The following RANBP2 variants were observed in gnomAD, a reference collection of about 807,000 sequenced individuals.
The protein encoded by RANBP2 is RAN binding protein 2.
In RANBP2, 57 loss-of-function variants were observed where a neutral mutation model predicts 303.6. The observed-to-expected ratio is 0.19, with a 90% CI of 0.15 to 0.23. RANBP2 has a LOEUF of 0.23. Among genes scored for constraint, RANBP2 ranks in the 10% least tolerant of loss-of-function variants. RANBP2 has a pLI of 1.00. For missense variants in RANBP2, 3,138 were observed against 3,780.8 expected (o/e 0.83, Z 4.46); for synonymous variants, 1,167 against 1,301.5 (o/e 0.90, Z 2.23).
At chr2:109,097,516 G>A in the RANBP2 span, among the ~76,000 whole-genome samples, 18 of 151,886 alleles carry the variant, frequency 1.2e-4, no homozygotes, top group Admixed American at 2.6e-4. Context: ...CTTGCCTTTC[G>A]TATTTAGAAT....
chr2:109,564,502 G>T, the RANBP2 span: 2 of 1,552,352 alleles, frequency 1.3e-6, no homozygotes, highest in South Asian at 1.2e-5. Flanking sequence ...ATTTCCCGCA[G>T]CTTTACAAAG....
chr2:108,823,220 A>G, the RANBP2 span, among the ~76,000 whole-genome samples: 3 of 152,240 alleles, frequency 2.0e-5, no homozygotes, highest in Admixed American at 2.0e-4. Context: ...TTTGAAGAAG[A>G]ATTAACACCC....
chr2:109,107,412 C>A, the RANBP2 span, among the ~76,000 whole-genome samples: 4 of 152,096 alleles, frequency 2.6e-5, no homozygotes, highest in African/African-American at 9.7e-5. Flanking sequence ...GGCCGAGTAC[C>A]CCCTGGGGGG....
the RANBP2 span, among the ~76,000 whole-genome samples, chr2:109,692,029 G>A: frequency 3.9e-5 from 6 of 152,146 alleles, no homozygotes; most frequent in South Asian, 2.1e-4. Flanking sequence ...TGATCCACCC[G>A]CCTCGGCCTC....
the RANBP2 span, among the ~76,000 whole-genome samples, chr2:109,100,039 G>T: frequency 6.6e-6 from 1 of 152,166 alleles, no homozygotes. Flanking sequence ...TTATTCTATT[G>T]CAGAACCCAG....
chr2:109,001,688 T>C, the RANBP2 span, among the ~76,000 whole-genome samples: 1 of 152,214 alleles, frequency 6.6e-6, no homozygotes. Context: ...TTAGGAGGGC[T>C]TATTTTTATA....
chr2:109,535,365 C>A, the RANBP2 span, among the ~76,000 whole-genome samples: 1 of 152,158 alleles, frequency 6.6e-6, no homozygotes, highest in Non-Finnish European at 1.5e-5. Context: ...GCCCCCAGAG[C>A]CCTCCCAACT....
the RANBP2 span, among the ~76,000 whole-genome samples, chr2:109,039,340 T>G: frequency 6.6e-6 from 1 of 152,166 alleles, no homozygotes; most frequent in Non-Finnish European, 1.5e-5. Context: ...GCCCTAATAC[T>G]TCAATGTCTT....
chr2:109,534,277 G>A, the RANBP2 span, among the ~76,000 whole-genome samples: 1 of 152,130 alleles, frequency 6.6e-6, no homozygotes, highest in African/African-American at 2.4e-5. Context: ...TTCTCATCTA[G>A]CTCTGCCACT....
At chr2:108,731,706 G>A in intron 4 of RANBP2, 2 of 808,142 alleles carry the variant, frequency 2.5e-6, no homozygotes, top group Non-Finnish European at 1.8e-6. Context: ...AATATTTTAG[G>A]GATTTTACAG....
the RANBP2 span, among the ~76,000 whole-genome samples, chr2:109,037,189 G>C: frequency 6.6e-6 from 1 of 151,612 alleles, no homozygotes; most frequent in African/African-American, 2.4e-5. Flanking sequence ...AGCCAGAAAG[G>C]GTGGTGTGCC....
the RANBP2 span, among the ~76,000 whole-genome samples, chr2:109,607,423 G>C: frequency 6.6e-6 from 1 of 152,070 alleles, no homozygotes; most frequent in African/African-American, 2.4e-5. Flanking sequence ...CATTCTCAAT[G>C]GGGGCAGTAC....
the RANBP2 span, among the ~76,000 whole-genome samples, chr2:109,200,003 G>A: frequency 0.035 from 5,280 of 152,066 alleles, 151 homozygotes; most frequent in Non-Finnish European, 0.054. Flanking sequence ...AGGTGGGGTG[G>A]GTGCTGCTGA....
chr2:109,348,296 G>A, the RANBP2 span, among the ~76,000 whole-genome samples: 1 of 152,200 alleles, frequency 6.6e-6, no homozygotes, highest in African/African-American at 2.4e-5. Flanking sequence ...GCAGAATGAC[G>A]CCTTTCCAGG....
At chr2:109,652,248 A>G in the RANBP2 span, among the ~76,000 whole-genome samples, 2 of 147,880 alleles carry the variant, frequency 1.4e-5, no homozygotes, top group South Asian at 4.2e-4. Flanking sequence ...TTTGAGACGG[A>G]GTCTCGCTCT....
chr2:109,141,486 G>A, the RANBP2 span: 1 of 154,954 alleles, frequency 6.5e-6, no homozygotes, highest in Non-Finnish European at 1.5e-5. Flanking sequence ...GCCTTTCCCA[G>A]TGACCAGGCC....
the RANBP2 span, among the ~76,000 whole-genome samples, chr2:109,164,378 C>T: frequency 6.6e-6 from 1 of 152,164 alleles, no homozygotes; most frequent in South Asian, 2.1e-4. Flanking sequence ...GAGATGGGGT[C>T]TTGCTGTGTT....
At position 108,771,801 on chromosome 2, in the gene RANBP2, A is replaced by G. The variant is rs1677517840; in HGVS notation, c.7950A>G (p.Lys2650=). ...PTAEQKALAT[K]LKLPPTFFCY... is the part of the protein sequence containing the mutation. ...CTGAGCAGAAAGCCCTTGCAACCAA[A>G]CTTAAACTTCCTCCAACTTTCTTCT... is the stretch of plus-strand genomic sequence containing the variant. Residue 2650 remains lysine, a synonymous_variant, in exon 21 of 29, where the codon AAA becomes AAG. Transcript: ENST00000283195. 6.2e-7 allele frequency: 1 copy of G among 1,613,956 alleles called. No homozygotes were observed. The highest frequency in any genetic ancestry group is 8.5e-7 in the Non-Finnish European group (1 of 1,179,970).
the RANBP2 span, among the ~76,000 whole-genome samples, chr2:109,529,779 AG>A: frequency 6.6e-6 from 1 of 152,136 alleles, no homozygotes; most frequent in East Asian, 1.9e-4. Context: ...GCTCAACCTG[AG>A]GGGGTGGGGG....
Sources: gnomAD v4.1 joint callset for allele counts (sites outside exome capture counted in the v4.1 genomes callset) on GRCh38, gnomAD v4.1.1 for gene constraint, MANE v1.5 for transcripts, NCBI Gene and HGNC (gene_info 2026-07-23, HGNC 2026-07-21) for gene names.